KDM4C: variants seen among roughly 807,000 people sequenced by gnomAD.
KDM4C encodes the protein lysine demethylase 4C.
A neutral mutation model predicts 129.3 loss-of-function variants in KDM4C; 81 were observed. The observed-to-expected ratio is 0.63, with a 90% CI of 0.52 to 0.75. KDM4C has a LOEUF of 0.75. Among genes scored for constraint, KDM4C ranks in the 30% least tolerant of loss-of-function variants. KDM4C has a pLI of 0.00. For missense variants in KDM4C, 1,457 were observed against 1,304.0 expected, an observed-to-expected ratio of 1.12 and a Z score of -1.81; for synonymous variants, 573 against 456.1, an observed-to-expected ratio of 1.26 and a Z score of -3.26.
At chr9:6,789,330 C>A (rs1321055297) in intron 1 of KDM4C, among the ~76,000 whole-genome samples, 1 of 150,844 alleles carries the variant, frequency 6.6e-6, no homozygotes, top group Admixed American at 6.6e-5. Context: ...AAGCAATTCT[C>A]CCGCCTCAGC....
intron 5 of KDM4C, among the ~76,000 whole-genome samples, chr9:6,855,702 A>G (rs1564169345): frequency 6.6e-6 from 1 of 152,036 alleles, no homozygotes; most frequent in Non-Finnish European, 1.5e-5. Context: ...GGTCTAGAAG[A>G]GAGAAGCTGC....
chr9:6,798,019 T>G (rs2130927890), intron 2 of KDM4C, among the ~76,000 whole-genome samples: 1 of 152,318 alleles, frequency 6.6e-6, no homozygotes, highest in Middle Eastern at 3.4e-3. Context: ...TGTTTCCCTA[T>G]GCAAGAAAAT....
intron 19 of KDM4C, among the ~76,000 whole-genome samples, chr9:7,128,745 C>G (rs1191237600): frequency 6.6e-6 from 1 of 152,030 alleles, no homozygotes; most frequent in Non-Finnish European, 1.5e-5. Context: ...TAAGTAGTTT[C>G]GTTACTGTGG....
intron 1 of KDM4C, among the ~76,000 whole-genome samples, chr9:6,763,021 C>G (rs985900032): frequency 6.6e-6 from 1 of 151,870 alleles, no homozygotes. Flanking sequence ...ATCCTCCTTA[C>G]CCTTCCGCTG....
In KDM4C at chr9:6,986,446, A is replaced by T. The variant is rs771005882; in HGVS notation, c.1457A>T (p.Asp486Val). 5 of 1,614,046 alleles carry T rather than the reference A, an allele frequency of 3.1e-6. No homozygotes were observed. The Admixed American group carries it at 6.7e-5, about 22-fold the overall frequency. The change falls in exon 11 of 22, where the codon GAT (aspartate) becomes GTT (valine). Residue 486 changes from aspartate to valine, a missense_variant. Coordinates refer to ENST00000381309, the MANE Select transcript of KDM4C (RefSeq NM_015061.6). Reference sequence around the variant, plus strand: ...CCTTCTATATCCAGTGAGGCTGATGATTCCATTCCATTGTCTAGTGGCTAT... The same window carrying T: ...CCTTCTATATCCAGTGAGGCTGATGTTTCCATTCCATTGTCTAGTGGCTAT... Reference protein sequence around the residue: ...SVPSISSEADDSIPLSSGYEK... With the variant: ...SVPSISSEADVSIPLSSGYEK...
chr9:6,745,368 G>T (rs1339806442), intron 1 of KDM4C, among the ~76,000 whole-genome samples: 1 of 152,020 alleles, frequency 6.6e-6, no homozygotes, highest in Non-Finnish European at 1.5e-5. Context: ...GGAGGCCAAG[G>T]CAGGAAGATC....
At chr9:6,734,600 C>T (rs1817461710) in intron 1 of KDM4C, 1 of 239,442 alleles carries the variant, frequency 4.2e-6, no homozygotes, top group Admixed American at 5.4e-5. Context: ...GGCCTGCATT[C>T]CTCTGTTTCT....
chr9:7,127,149 A>G (rs1051984579), intron 18 of KDM4C, among the ~76,000 whole-genome samples: 1 of 152,194 alleles, frequency 6.6e-6, no homozygotes, highest in Non-Finnish European at 1.5e-5. Flanking sequence ...GTGATAGAGC[A>G]GGAAAAATCA....
chr9:7,169,077 A>C (rs1260755843), intron 20 of KDM4C, among the ~76,000 whole-genome samples: 3 of 150,696 alleles, frequency 2.0e-5, no homozygotes, highest in Non-Finnish European at 4.4e-5. Context: ...AAGGAAATAT[A>C]TTATCTTTTC....
At chr9:7,167,944 G>A (rs1422475062) in intron 20 of KDM4C, among the ~76,000 whole-genome samples, 1 of 152,210 alleles carries the variant, frequency 6.6e-6, no homozygotes, top group African/African-American at 2.4e-5. Flanking sequence ...CACTTTGGAA[G>A]GCCGAGGCAG....
intron 8 of KDM4C, among the ~76,000 whole-genome samples, chr9:6,915,104 G>T (rs1164451968): frequency 6.6e-6 from 1 of 152,178 alleles, no homozygotes; most frequent in Non-Finnish European, 1.5e-5. Context: ...AGAATTTTCT[G>T]TGGGGTGCTT....
intron 18 of KDM4C, among the ~76,000 whole-genome samples, chr9:7,113,475 C>T (rs1838560470): frequency 6.6e-6 from 1 of 152,104 alleles, no homozygotes; most frequent in Admixed American, 6.5e-5. Flanking sequence ...TCAGAACCCC[C>T]TAATTTGTTT....
At chr9:6,861,875 G>A (rs555679664) in intron 5 of KDM4C, among the ~76,000 whole-genome samples, 1 of 151,468 alleles carries the variant, frequency 6.6e-6, no homozygotes, top group African/African-American at 2.4e-5. Flanking sequence ...AGGTCCAAGC[G>A]ATTCTCCTGC....
chr9:6,898,726 T>TC lies in KDM4C; in HGVS notation c.921+5495dup, dbSNP rs553335733. 6.6e-5 allele frequency among the ~76,000 whole-genome samples: 10 copies of TC among 152,334 alleles called. No individual in the cohort carries two copies. The East Asian group carries it at 1.7e-3, about 26-fold the overall frequency. ...AGCATGTAAGTGCCATGATGTGGGT[T>TC]CATTCTATTTTATATTTCAATTCTC... is the stretch of plus-strand genomic sequence containing the variant. On this transcript the variant is annotated intron_variant, in intron 8 of 21. Coordinates refer to ENST00000381309, the MANE Select transcript of KDM4C (RefSeq NM_015061.6).
At chr9:7,084,831 A>G (rs1043713788) in intron 17 of KDM4C, among the ~76,000 whole-genome samples, 2 of 152,198 alleles carry the variant, frequency 1.3e-5, no homozygotes, top group African/African-American at 2.4e-5. Flanking sequence ...GCAGTTCCTT[A>G]TAAAGATGAA....
chr9:6,867,170 C>T (rs9792438), intron 5 of KDM4C, among the ~76,000 whole-genome samples: 8,949 of 151,862 alleles, frequency 0.059, 467 homozygotes, highest in East Asian at 0.27. Context: ...CACACACCTA[C>T]ACACCCAGCT....
rs142904644 is a variant in KDM4C, at chr9:6,992,789, C to T, written c.1786+2265C>T. Among the ~76,000 whole-genome samples, 13 of 152,316 alleles carry T rather than the reference C, an allele frequency of 8.5e-5. No individual in the cohort carries two copies. The East Asian group carries it at 1.7e-3, about 20-fold the overall frequency. On this transcript the variant is annotated intron_variant, in intron 12 of 21. Coordinates refer to ENST00000381309, the MANE Select transcript of KDM4C (RefSeq NM_015061.6). ...TTCTGCTCCTTTTGCACTCCTCATACGTAGGAGCATAACTATATTAGAGCA... is the reference window on the plus strand; with the variant it reads ...TTCTGCTCCTTTTGCACTCCTCATATGTAGGAGCATAACTATATTAGAGCA...
At chr9:7,101,170 G>A (rs992271928) in intron 17 of KDM4C, among the ~76,000 whole-genome samples, 3 of 152,092 alleles carry the variant, frequency 2.0e-5, no homozygotes, top group Non-Finnish European at 4.4e-5. Flanking sequence ...ATTGTAGCAT[G>A]CCTATTCATG....
chr9:7,108,709 A>C (rs745698650), intron 18 of KDM4C, among the ~76,000 whole-genome samples: 2 of 152,136 alleles, frequency 1.3e-5, no homozygotes, highest in Non-Finnish European at 2.9e-5. Context: ...TGACTATATA[A>C]CTAATCTTGG....
Sources: gnomAD v4.1 joint callset for allele counts (sites outside exome capture counted in the v4.1 genomes callset) on GRCh38, gnomAD v4.1.1 for gene constraint, MANE v1.5 for transcripts, NCBI Gene and HGNC (gene_info 2026-07-23, HGNC 2026-07-21) for gene names.